The following KLHL41 variants were observed in gnomAD, a reference collection of about 807,000 sequenced individuals.
KLHL41 encodes the protein kelch-like protein 41.
KLHL41 carries 31 observed loss-of-function variants against 49.2 expected under a neutral mutation model. The ratio of observed to expected loss-of-function variants is 0.63; its 90% confidence interval spans 0.47 to 0.85. KLHL41 has a LOEUF of 0.85. Among genes scored for constraint, KLHL41 ranks in the 40% least tolerant of loss-of-function variants. The pLI, the probability that KLHL41 is intolerant of heterozygous loss-of-function variation, is 0.00. For synonymous variants in KLHL41, 218 were observed against 258.5 expected (o/e 0.84, Z 1.50); for missense variants, 663 against 726.7 (o/e 0.91, Z 1.01).
chr2:169,513,671 GT>G (rs1330913733), intron 1 of KLHL41, among the ~76,000 whole-genome samples: 1 of 152,212 alleles, frequency 6.6e-6, no homozygotes, highest in African/African-American at 2.4e-5. Context: ...GTGAAACTGG[GT>G]TTTATTCATT....
intron 4 of KLHL41, among the ~76,000 whole-genome samples, chr2:169,519,160 T>G (rs1396178652): frequency 6.6e-6 from 1 of 152,224 alleles, no homozygotes; most frequent in Admixed American, 6.5e-5. Context: ...AATTTCATTT[T>G]TAAGCTTTTA....
intron 1 of KLHL41, among the ~76,000 whole-genome samples, chr2:169,511,891 G>A (rs892395417): frequency 6.6e-6 from 1 of 152,156 alleles, no homozygotes; most frequent in African/African-American, 2.4e-5. Flanking sequence ...TTATCAATGT[G>A]TTATACTTTA....
Position 169,509,769 on chromosome 2 carries a change from T to A in KLHL41, c.-10T>A. ...TCAGTGTCCCCTTCCTTACCCAGGT[T>A]TCTCACAGAATGGATTCCCAGCGGG... On this transcript the variant is annotated 5_prime_UTR_variant, in exon 1 of 6. Transcript: ENST00000284669. The A allele has an allele frequency of 6.2e-7, 1 of 1,603,558 alleles. No homozygotes were observed. Among genetic ancestry groups the A allele is most frequent in the Non-Finnish European group, 8.5e-7 (1 of 1,177,260 alleles).
intron 5 of KLHL41, 106 bp from the exon 6 acceptor site, chr2:169,525,479 G>A: frequency 1.5e-6 from 1 of 684,128 alleles, no homozygotes; most frequent in Non-Finnish European, 2.6e-6. Flanking sequence ...CTTCTTCTGA[G>A]TAAGAGCCAC....
rs13406673 is a variant in KLHL41, at chr2:169,514,403, C to G, written c.1111-171C>G. ...AGGCCAAGTAGATTTACTCATTCTT[C>G]TTGGTAATTATGAGCTACAATGTGA... On this transcript the variant is annotated intron_variant, in intron 1 of 5. Transcript: ENST00000284669. The G allele has an allele frequency of 1.1e-3, 528 of 479,784 alleles. 2 individuals are homozygous for G. The highest frequency in any genetic ancestry group is 9.7e-3 in the African/African-American group (485 of 50,064). The allele number at this position is 479,784 out of a possible 1,614,324, so 29.7% of individuals were successfully genotyped here.
intron 4 of KLHL41, 93 bp downstream of exon 4, chr2:169,518,468 G>A (rs1418601799): frequency 1.1e-6 from 1 of 924,380 alleles, no homozygotes; most frequent in Non-Finnish European, 1.6e-6. Flanking sequence ...ATTAGGATGT[G>A]GGGAGGGGAG....
At chr2:169,520,275 A>AGTGTGTGTGTGTGTGTGTGT (rs71003095) in intron 4 of KLHL41, among the ~76,000 whole-genome samples, 1 of 56,900 alleles carries the variant, frequency 1.8e-5, no homozygotes, top group Non-Finnish European at 3.9e-5. Context: ...CTCCTGCCTC[A>AGTGTGTGTGTGTGTGTGTGT]GTGTGTGTGT....
Position 169,514,494 on chromosome 2 carries a change from A to G in KLHL41, c.1111-80A>G, listed in dbSNP as rs549008670. 4.4e-5 allele frequency: 53 copies of G among 1,191,806 alleles called. No individual in the cohort carries two copies. The African/African-American group carries it at 7.0e-4, about 16-fold the overall frequency. 73.8% of individuals were successfully genotyped at this position (1,191,806 alleles called of 1,614,324 possible). A position where few individuals can be genotyped will look rare whatever the true frequency, so the allele number is the denominator to read the frequency against. On this transcript the variant is annotated intron_variant, in intron 1 of 5. Coordinates refer to ENST00000284669, the MANE Select transcript of KLHL41 (RefSeq NM_006063.3). ...ACTATCTCGATGACTTCTAAACAACATATAAAGTATAACTTTTTTTGGTGT... is the reference window on the plus strand; with the variant it reads ...ACTATCTCGATGACTTCTAAACAACGTATAAAGTATAACTTTTTTTGGTGT...
intron 5 of KLHL41, among the ~76,000 whole-genome samples, chr2:169,521,589 C>T (rs1202311190): frequency 3.3e-5 from 5 of 151,914 alleles, no homozygotes; most frequent in Admixed American, 6.6e-5. Context: ...GACGGCATTT[C>T]GCCATGTTGG....
chr2:169,511,507 C>A (rs1684029385), intron 1 of KLHL41, among the ~76,000 whole-genome samples: 2 of 152,204 alleles, frequency 1.3e-5, no homozygotes, highest in East Asian at 1.9e-4. Context: ...CATCTGCTGG[C>A]AGCTCTAAAT....
chr2:169,521,748 C>G (rs181425405), intron 5 of KLHL41, among the ~76,000 whole-genome samples: 3 of 152,128 alleles, frequency 2.0e-5, no homozygotes, highest in Non-Finnish European at 4.4e-5. Context: ...TGTTTTCAAT[C>G]TAATTTAAAC....
chr2:169,514,836 T>C lies in KLHL41; in HGVS notation c.1269-18T>C. ...GAATTTACTGAAGGTATATAAATTC[T>C]GTCTCGTTTAATTTTAGGGCTGCAA... On this transcript the variant is annotated intron_variant, in intron 2 of 5. Transcript: ENST00000284669. 6.3e-7 allele frequency: 1 copy of C among 1,598,988 alleles called. No homozygotes were observed. The highest frequency in any genetic ancestry group is 2.2e-5 in the East Asian group (1 of 44,838).
chr2:169,510,032 AT>A lies in KLHL41; in HGVS notation c.257del (p.Leu86Ter). 6.2e-7 allele frequency: 1 copy of A among 1,614,156 alleles called. No individual in the cohort carries two copies. The highest frequency in any genetic ancestry group is 8.5e-7 in the Non-Finnish European group (1 of 1,180,032). Reference sequence around the variant, plus strand: ...GACAATGTGGATCCTGCTATACTTGATTTAATCATCAAATACCTGTACTCTG... The same window carrying A: ...GACAATGTGGATCCTGCTATACTTGATTAATCATCAAATACCTGTACTCTG... ...VLDNVDPAIL[D>X]LIIKYLYSAS... is the part of the protein sequence containing the mutation. On this transcript the variant is annotated frameshift_variant, in exon 1 of 6. Transcript: ENST00000284669. LOFTEE classifies it high-confidence loss of function. The surrounding 1 kb of genome is among the most constrained non-coding windows in gnomAD (Gnocchi z 4.2).
chr2:169,517,731 TATAAA>T (rs1684137381), intron 3 of KLHL41, among the ~76,000 whole-genome samples: 1 of 152,220 alleles, frequency 6.6e-6, no homozygotes, highest in Admixed American at 6.5e-5. Flanking sequence ...TTAGTGCTAA[TATAAA>T]ATAAAATGAT....
chr2:169,522,101 G>A (rs1374412268), intron 5 of KLHL41, among the ~76,000 whole-genome samples: 1 of 151,852 alleles, frequency 6.6e-6, no homozygotes, highest in Admixed American at 6.6e-5. Flanking sequence ...GCACATTTAA[G>A]TTTATAAGTA....
chr2:169,524,795 T>TTG (rs1038203346), intron 5 of KLHL41, among the ~76,000 whole-genome samples: 10 of 126,810 alleles, frequency 7.9e-5, no homozygotes, highest in Non-Finnish European at 1.7e-4. Flanking sequence ...GACATTGATA[T>TTG]GGGGGGGGGA....
At chr2:169,525,324 T>A (rs1684284682) in intron 5 of KLHL41, among the ~76,000 whole-genome samples, 1 of 152,268 alleles carries the variant, frequency 6.6e-6, no homozygotes, top group Non-Finnish European at 1.5e-5. Context: ...TATTTATTCC[T>A]CTTCTCTGCA....
chr2:169,520,331 G>T (rs1240692114), intron 4 of KLHL41, among the ~76,000 whole-genome samples: 2 of 95,196 alleles, frequency 2.1e-5, no homozygotes, highest in Non-Finnish European at 4.6e-5. Context: ...TGTGTGTGTG[G>T]AGGCAGTCCA....
intron 5 of KLHL41, 27 bp from the exon 6 acceptor site, chr2:169,525,558 T>TTGA: frequency 7.3e-7 from 1 of 1,366,946 alleles, no homozygotes; most frequent in South Asian, 1.2e-5. Context: ...AAGCTGCTTA[T>TTGA]TGATTACTTT....
Sources: gnomAD v4.1 joint callset for allele counts (sites outside exome capture counted in the v4.1 genomes callset) on GRCh38, gnomAD v4.1.1 for gene constraint, Gnocchi (gnomAD v3.1) non-coding constraint, MANE v1.5 for transcripts, NCBI Gene and HGNC (gene_info 2026-07-23, HGNC 2026-07-21) for gene names.